Variants in GOSR2 observed in about 807,000 individuals in gnomAD.
GOSR2 encodes the protein golgi SNAP receptor complex member 2.
In GOSR2, 20 loss-of-function variants were observed where a neutral mutation model predicts 27.9. The observed-to-expected ratio is 0.72, with a 90% CI of 0.50 to 1.04. The LOEUF is 1.04. Among genes scored for constraint, GOSR2 ranks in the 50% least tolerant of loss-of-function variants. The pLI is 0.00. For synonymous variants in GOSR2, 91 were observed against 98.8 expected (o/e 0.92, Z 0.47); for missense variants, 261 against 270.5 (o/e 0.97, Z 0.25).
chr17:46,940,345 T>C lies in GOSR2; in HGVS notation c.*1585T>C. The C allele has an allele frequency of 2.7e-6, 4 of 1,475,848 alleles. No homozygotes were observed. Among genetic ancestry groups the C allele is most frequent in the Non-Finnish European group, 3.6e-6 (4 of 1,115,148 alleles). 91.4% of individuals were successfully genotyped at this position (1,475,848 alleles called of 1,614,324 possible). On this transcript the variant is annotated 3_prime_UTR_variant, in exon 6 of 6. Transcript: ENST00000640051. The stretch of plus-strand genomic sequence containing the variant: ...AGCAATCTGTGACTCCTAAAATGGG[T>C]TGGGGCCCTGCCAGAGTTAAAGCAG...
intron 5 of GOSR2, chr17:46,937,062 C>T (rs1199020137): frequency 6.5e-6 from 1 of 152,676 alleles, no homozygotes; most frequent in African/African-American, 2.4e-5. Flanking sequence ...TCTGCCCCGG[C>T]ATTCACTTAT....
chr17:46,954,414 TAC>T (rs970496731), intron 6 of GOSR2, among the ~76,000 whole-genome samples: 3 of 152,260 alleles, frequency 2.0e-5, no homozygotes, highest in Non-Finnish European at 4.4e-5. Flanking sequence ...TTGGTACCAG[TAC>T]CATGCTGTTT....
In GOSR2 at chr17:46,939,374, G is replaced by T; in HGVS notation, c.*614G>T. On this transcript the variant is annotated 3_prime_UTR_variant, in exon 6 of 6. Coordinates refer to ENST00000640051, the MANE Select transcript of GOSR2 (RefSeq NM_004287.5). Reference sequence around the variant, plus strand: ...TAGTGCTATTGCCGATAACAAGTAAGATTTTCCACACTACAGCTGGGTGTT... The same window carrying T: ...TAGTGCTATTGCCGATAACAAGTAATATTTTCCACACTACAGCTGGGTGTT... 1 of 1,001,262 alleles carries T rather than the reference G, an allele frequency of 1.0e-6. No individual in the cohort carries two copies. Among genetic ancestry groups the T allele is most frequent in the Non-Finnish European group, 1.2e-6 (1 of 837,538 alleles). The allele number at this position is 1,001,262 out of a possible 1,614,324, so 62.0% of individuals were successfully genotyped here. A position where few individuals can be genotyped will look rare whatever the true frequency, so the allele number is the denominator to read the frequency against.
intron 1 of GOSR2, 33 bp from the exon 2 acceptor site, chr17:46,929,487 G>T (rs1177488938): frequency 4.3e-6 from 5 of 1,156,650 alleles, no homozygotes; most frequent in Non-Finnish European, 6.6e-6. Flanking sequence ...GATTACTCCT[G>T]TCTCACTCAT....
chr17:46,954,439 CGTT>C (rs2090576103), intron 6 of GOSR2, among the ~76,000 whole-genome samples: 1 of 152,152 alleles, frequency 6.6e-6, no homozygotes, highest in East Asian at 1.9e-4. Flanking sequence ...GTTACTGTAG[CGTT>C]GTAGTATAGT....
Position 46,941,512 on chromosome 17 carries a change from A to C in GOSR2, c.*2752A>C, listed in dbSNP as rs1168667234. 2 of 642,258 alleles carry C rather than the reference A, an allele frequency of 3.1e-6. No individual in the cohort carries two copies. The highest frequency in any genetic ancestry group is 1.3e-4 in the Admixed American group (2 of 15,856). 39.8% of individuals were successfully genotyped at this position (642,258 alleles called of 1,614,324 possible). A position where few individuals can be genotyped will look rare whatever the true frequency, so the allele number is the denominator to read the frequency against. The stretch of plus-strand genomic sequence containing the variant: ...AGCAGTGGGGAAGCTTTTTAAAATT[A>C]CATATTCCTGGGGCCTACCCCAGAT... On this transcript the variant is annotated 3_prime_UTR_variant, in exon 6 of 6. Transcript: ENST00000640051.
At chr17:46,964,982 G>A (rs2147323101) in intron 6 of GOSR2, 1 of 152,316 alleles carries the variant, frequency 6.6e-6, no homozygotes, top group South Asian at 2.1e-4. Context: ...TAGTTACCAT[G>A]GCAACCTCAT....
intron 6 of GOSR2, chr17:46,948,930 A>G (rs1012412381): frequency 5.3e-5 from 8 of 152,214 alleles, no homozygotes; most frequent in African/African-American, 1.9e-4. Context: ...TCATTCATCC[A>G]TTCTTTCGAT....
intron 1 of GOSR2, 89 bp from the exon 2 acceptor site, chr17:46,929,431 A>G (rs2086972273): frequency 1.3e-6 from 1 of 770,324 alleles, no homozygotes; most frequent in Non-Finnish European, 2.4e-6. Context: ...TAAATCAGTT[A>G]CATGTTGGCA....
At chr17:46,960,272 A>G (rs1421631167) in intron 6 of GOSR2, among the ~76,000 whole-genome samples, 1 of 152,238 alleles carries the variant, frequency 6.6e-6, no homozygotes, top group Non-Finnish European at 1.5e-5. Context: ...CATTCAATAG[A>G]AGACAAATTA....
At chr17:46,951,134 C>T (rs749003083) in intron 6 of GOSR2, among the ~76,000 whole-genome samples, 6 of 152,216 alleles carry the variant, frequency 3.9e-5, no homozygotes, top group Non-Finnish European at 5.9e-5. Context: ...CTCTCCACAC[C>T]CCTCAGTTAT....
At chr17:46,933,958 C>G (rs867912705) in intron 4 of GOSR2, among the ~76,000 whole-genome samples, 2 of 148,004 alleles carry the variant, frequency 1.4e-5, no homozygotes, top group Admixed American at 1.3e-4. Flanking sequence ...AAAAAAAACA[C>G]GAAACAAACC....
downstream of GOSR2, among the ~76,000 whole-genome samples, chr17:46,942,713 G>A (rs760663353): frequency 3.3e-5 from 5 of 152,242 alleles, no homozygotes; most frequent in Admixed American, 2.0e-4. Flanking sequence ...CCTAGGGGGC[G>A]GCATAGCCCT....
chr17:46,931,657 T>TCCACCCCCCCCC (rs2087405809), intron 3 of GOSR2: 1 of 279,390 alleles, frequency 3.6e-6, no homozygotes, highest in Admixed American at 5.1e-5. Context: ...CCTTGCCACC[T>TCCACCCCCCCCC]CCACCCCCAG....
chr17:46,939,210 G>A lies in GOSR2; in HGVS notation c.*450G>A. The A allele has an allele frequency of 1.9e-6, 2 of 1,078,150 alleles. No homozygotes were observed. Among genetic ancestry groups the A allele is most frequent in the Non-Finnish European group, 2.3e-6 (2 of 882,554 alleles). 66.8% of individuals were successfully genotyped at this position (1,078,150 alleles called of 1,614,324 possible). The stretch of plus-strand genomic sequence containing the variant: ...GAAAGGAAAGAGGCCTTTTCTCACA[G>A]CCATTATATTAAATAGTAGGTCGAT... On this transcript the variant is annotated 3_prime_UTR_variant, in exon 6 of 6. Transcript: ENST00000640051.
At chr17:46,967,466 A>T (rs1037213594), downstream of GOSR2, among the ~76,000 whole-genome samples, 13 of 152,332 alleles carry the variant, frequency 8.5e-5, no homozygotes, top group African/African-American at 3.1e-4. Context: ...ATTCTGTTTC[A>T]TGGGTGAGGT....
chr17:46,923,725 C>T (rs181285649), intron 1 of GOSR2: 3 of 464,486 alleles, frequency 6.5e-6, no homozygotes, highest in Non-Finnish European at 1.0e-5. Context: ...GTAGCATTCA[C>T]TATTATTACT....
At chr17:46,957,274 CA>C (rs1430754820) in intron 6 of GOSR2, among the ~76,000 whole-genome samples, 2 of 152,068 alleles carry the variant, frequency 1.3e-5, no homozygotes, top group African/African-American at 4.8e-5. Context: ...CACTGTACAC[CA>C]GCCTGGGCAA....
chr17:46,967,493 C>G (rs780980601), downstream of GOSR2, among the ~76,000 whole-genome samples: 2 of 152,104 alleles, frequency 1.3e-5, no homozygotes, highest in African/African-American at 2.4e-5. Flanking sequence ...TGAGCTTGGT[C>G]TTGGAGGGTA....
Sources: gnomAD v4.1 joint callset for allele counts (sites outside exome capture counted in the v4.1 genomes callset) on GRCh38, gnomAD v4.1.1 for gene constraint, MANE v1.5 for transcripts, NCBI Gene and HGNC (gene_info 2026-07-23, HGNC 2026-07-21) for gene names.